Variants in PLB1 observed in about 807,000 individuals in gnomAD.
PLB1 encodes the protein phospholipase B1.
In PLB1, 242 loss-of-function variants were observed where a neutral mutation model predicts 227.4. The ratio of observed to expected loss-of-function variants is 1.06; its 90% CI spans 0.96 to 1.18. The LOEUF is 1.18. PLB1 is among the 50% of genes most tolerant of loss of function. PLB1 has a pLI of 0.00. For synonymous variants in PLB1, 757 were observed against 682.2 expected (o/e 1.11, Z -1.71); for missense variants, 1,858 against 1,816.3 (o/e 1.02, Z -0.42).
chr2:28,578,029 T>G (rs1679281473), intron 21 of PLB1, 78 bp from the exon 22 acceptor site: 8 of 1,417,206 alleles, frequency 5.6e-6, no homozygotes, highest in South Asian at 1.2e-5. Flanking sequence ...CCACCATACA[T>G]TTGATTGCTG....
chr2:28,620,110 A>G (rs138019159), intron 46 of PLB1, among the ~76,000 whole-genome samples, 155 bp from the exon 47 acceptor site: 171 of 145,138 alleles, frequency 1.2e-3, no homozygotes, highest in African/African-American at 4.2e-3. Context: ...GAATGTATCA[A>G]GACCACTCCA....
chr2:28,510,506 AG>A (rs1325614718), intron 1 of PLB1, among the ~76,000 whole-genome samples: 1 of 152,156 alleles, frequency 6.6e-6, no homozygotes, highest in Non-Finnish European at 1.5e-5. Context: ...CAGATCCTGA[AG>A]GAAGTTCTCA....
chr2:28,552,735 G>A (rs1274652449), intron 16 of PLB1, among the ~76,000 whole-genome samples, 193 bp from the exon 17 acceptor site: 8 of 152,216 alleles, frequency 5.3e-5, no homozygotes, highest in African/African-American at 1.7e-4. Context: ...GGAGCAGAGG[G>A]AACAGATTTG....
intron 1 of PLB1, among the ~76,000 whole-genome samples, chr2:28,511,788 C>CTTTTTTTTTTTTTTTTTTTT: frequency 7.5e-6 from 1 of 132,650 alleles, no homozygotes; most frequent in African/African-American, 2.8e-5. Context: ...GCCATTTTAT[C>CTTTTTTTTTTTTTTTTTTTT]TTTTTTTTTT....
intron 54 of PLB1, among the ~76,000 whole-genome samples, chr2:28,631,238 C>A (rs192390200): frequency 6.6e-6 from 1 of 152,210 alleles, no homozygotes; most frequent in East Asian, 1.9e-4. Flanking sequence ...CTCTCTGCCC[C>A]CTTCCATCTC....
intron 4 of PLB1, among the ~76,000 whole-genome samples, chr2:28,520,936 T>G (rs1669447684): frequency 6.6e-6 from 1 of 152,110 alleles, no homozygotes; most frequent in South Asian, 2.1e-4. Flanking sequence ...GATCATGCCA[T>G]TGCACTCCGG....
At chr2:28,570,106 G>A (rs1043375556) in intron 20 of PLB1, among the ~76,000 whole-genome samples, 1 of 151,968 alleles carries the variant, frequency 6.6e-6, no homozygotes. Flanking sequence ...TCAAACATTA[G>A]TATCAATTAC....
intron 9 of PLB1, among the ~76,000 whole-genome samples, chr2:28,533,324 T>C (rs1179276789): frequency 6.6e-6 from 1 of 152,186 alleles, no homozygotes; most frequent in Non-Finnish European, 1.5e-5. Flanking sequence ...ATATAGATAA[T>C]GAAGATTTAT....
intron 1 of PLB1, among the ~76,000 whole-genome samples, chr2:28,510,778 TTGTGTG>T (rs55672002): frequency 1.1e-4 from 16 of 141,532 alleles, no homozygotes; most frequent in Admixed American, 2.1e-4. Flanking sequence ...ACTCAGATAA[TTGTGTG>T]TGTGTGTGTG....
chr2:28,529,812 C>CT, intron 8 of PLB1, 33 bp downstream of exon 8: 1 of 1,609,180 alleles, frequency 6.2e-7, no homozygotes, highest in South Asian at 1.1e-5. Context: ...CATGGCTGGG[C>CT]TGCCTGGCTT....
chr2:28,567,553 A>C (rs918917531), intron 20 of PLB1, among the ~76,000 whole-genome samples: 1 of 134,558 alleles, frequency 7.4e-6, no homozygotes, highest in Admixed American at 8.8e-5. Context: ...AGCTCATTGC[A>C]ACCTCCGCCT....
intron 17 of PLB1, among the ~76,000 whole-genome samples, chr2:28,558,824 C>G (rs1363035419): frequency 6.6e-6 from 1 of 152,152 alleles, no homozygotes. Flanking sequence ...TCAGGCTGTG[C>G]AGTGGCAGCT....
intron 9 of PLB1, among the ~76,000 whole-genome samples, chr2:28,535,090 C>G (rs1211978047): frequency 6.6e-6 from 1 of 152,156 alleles, no homozygotes; most frequent in South Asian, 2.1e-4. Context: ...ATGAGAAATT[C>G]CTGCAAGATC....
intron 21 of PLB1, among the ~76,000 whole-genome samples, chr2:28,577,039 C>A (rs182180459): frequency 1.3e-5 from 2 of 152,202 alleles, no homozygotes; most frequent in African/African-American, 2.4e-5. Flanking sequence ...TTGCATACTA[C>A]GTGCCAAGCA....
At position 28,538,933 on chromosome 2, in the gene PLB1, AGACT is replaced by A. The variant is rs942357190; in HGVS notation, c.619-162_619-159del. Among the ~76,000 whole-genome samples the A allele has an allele frequency of 7.9e-5, 12 of 152,262 alleles. No homozygotes were observed. In the South Asian group the frequency reaches 1.5e-3, roughly 18 times the overall value. On this transcript the variant is annotated intron_variant, in intron 10 of 57. Transcript: ENST00000327757. ...GGCACAGATGCAGGGCTGGCAGCGC[AGACT>A]GACCCTGACCAAACATCTCCCAAAG...
At chr2:28,544,672 T>A (rs1386083076) in intron 14 of PLB1, among the ~76,000 whole-genome samples, 1 of 151,734 alleles carries the variant, frequency 6.6e-6, no homozygotes, top group East Asian at 1.9e-4. Context: ...AGAAGCAATG[T>A]GAACAATGAG....
At chr2:28,501,343 C>A (rs1667075925) in intron 1 of PLB1, among the ~76,000 whole-genome samples, 1 of 152,138 alleles carries the variant, frequency 6.6e-6, no homozygotes, top group Non-Finnish European at 1.5e-5. Context: ...GTTCAAAATT[C>A]CTTTGCCATA....
Position 28,565,287 on chromosome 2 carries a change from A to G in PLB1, c.1214A>G (p.Asn405Ser), listed in dbSNP as rs370133711. Residue 405 changes from asparagine to serine, a missense_variant, in exon 19 of 58, where the codon AAT (asparagine) becomes AGT (serine). Coordinates refer to ENST00000327757, the MANE Select transcript of PLB1 (RefSeq NM_153021.5). ...CTCATTGTTCCCTCTCAGGCAGGCAATGGGGCCGGGTCCACACCTGGGAAC... is the reference window on the plus strand; with the variant it reads ...CTCATTGTTCCCTCTCAGGCAGGCAGTGGGGCCGGGTCCACACCTGGGAAC... ...GALGDSLTAG[N>S]GAGSTPGNVL... 29 of 1,611,534 alleles carry G rather than the reference A, an allele frequency of 1.8e-5. No homozygotes were observed. The highest frequency in any genetic ancestry group is 4.4e-5 in the South Asian group (4 of 90,104).
chr2:28,528,868 G>T (rs375780459), intron 6 of PLB1, among the ~76,000 whole-genome samples: 1 of 152,020 alleles, frequency 6.6e-6, no homozygotes, highest in East Asian at 1.9e-4. Flanking sequence ...TCCCAGGCAG[G>T]GTGTGAGGAA....
Sources: gnomAD v4.1 joint callset for allele counts (sites outside exome capture counted in the v4.1 genomes callset) on GRCh38, gnomAD v4.1.1 for gene constraint, MANE v1.5 for transcripts, NCBI Gene and HGNC (gene_info 2026-07-23, HGNC 2026-07-21) for gene names.